PCDH15: variants seen among roughly 807,000 people sequenced by gnomAD.
The protein encoded by PCDH15 is protocadherin-15.
PCDH15 carries 129 observed loss-of-function variants against 178.5 expected under a neutral mutation model. The ratio of observed to expected loss-of-function variants is 0.72; its 90% CI spans 0.63 to 0.84. The LOEUF is 0.84. Ranked by LOEUF, PCDH15 falls within the 40% of genes least tolerant of loss-of-function variation. The pLI is 0.00. For synonymous variants in PCDH15, 800 were observed against 732.0 expected (o/e 1.09, Z -1.50); for missense variants, 2,230 against 2,099.9 (o/e 1.06, Z -1.21).
intron 21 of PCDH15, among the ~76,000 whole-genome samples, chr10:53,992,714 G>C (rs1181872499): frequency 2.6e-5 from 4 of 152,034 alleles, no homozygotes; most frequent in Non-Finnish European, 5.9e-5. Context: ...GAAATAAACG[G>C]TTAGCCATTT....
intron 18 of PCDH15, among the ~76,000 whole-genome samples, chr10:54,032,973 T>C (rs77893390): frequency 6.6e-6 from 1 of 151,712 alleles, no homozygotes; most frequent in Non-Finnish European, 1.5e-5. Context: ...CTCACTGTCA[T>C]AAGAAGAGCA....
chr10:54,385,533 T>C (rs1217097884), intron 3 of PCDH15, among the ~76,000 whole-genome samples: 4 of 152,148 alleles, frequency 2.6e-5, no homozygotes, highest in Non-Finnish European at 1.5e-5. Flanking sequence ...TGGCAGTGCC[T>C]ATCGTAGAAA....
chr10:54,167,372 A>T (rs2046339540), intron 13 of PCDH15, among the ~76,000 whole-genome samples: 2 of 151,776 alleles, frequency 1.3e-5, no homozygotes, highest in African/African-American at 4.8e-5. Context: ...TCTTAATTTC[A>T]ATTCCTTTCA....
At chr10:54,164,623 T>C (rs2046031110) in intron 13 of PCDH15, among the ~76,000 whole-genome samples, 1 of 152,206 alleles carries the variant, frequency 6.6e-6, no homozygotes, top group Non-Finnish European at 1.5e-5. Flanking sequence ...GTTAATTTGC[T>C]TTGTAGAGGG....
chr10:54,304,694 C>A (rs1591693617), intron 8 of PCDH15, among the ~76,000 whole-genome samples: 1 of 151,926 alleles, frequency 6.6e-6, no homozygotes, highest in African/African-American at 2.4e-5. Context: ...TAAAAGATTA[C>A]CCTGATTGGC....
chr10:53,818,547 ATAT>A (rs2076146062), intron 33 of PCDH15, among the ~76,000 whole-genome samples: 1 of 152,104 alleles, frequency 6.6e-6, no homozygotes, highest in Non-Finnish European at 1.5e-5. Context: ...GTCAATTATA[ATAT>A]TAGAAATTAA....
At chr10:55,546,636 T>C (rs1315236543) in intron 2 of PCDH15, among the ~76,000 whole-genome samples, 2 of 152,146 alleles carry the variant, frequency 1.3e-5, no homozygotes, top group Admixed American at 6.5e-5. Context: ...AGCTTCCCTT[T>C]AGGTTAGGAT....
At chr10:54,704,885 T>C (rs1206231366) in intron 1 of PCDH15, among the ~76,000 whole-genome samples, 13 of 152,128 alleles carry the variant, frequency 8.5e-5, no homozygotes, top group African/African-American at 2.9e-4. Flanking sequence ...AGTATGTTCA[T>C]TGTAGCACTA....
intron 2 of PCDH15, among the ~76,000 whole-genome samples, chr10:54,911,853 T>C (rs192301131): frequency 1.3e-5 from 2 of 152,322 alleles, no homozygotes; most frequent in African/African-American, 4.8e-5. Flanking sequence ...ATAAGTTTCC[T>C]GAGGCCTCCC....
In PCDH15 at chr10:55,088,841, AG is replaced by A. The variant is rs528994685; in HGVS notation, c.-80+77734del. On this transcript the variant is annotated intron_variant, in intron 2 of 5. Transcript: ENST00000458638. ...ATGATTTATATTTCTAGTTTTCCAA[AG>A]AGAATCACTTTCCATTTAGAAGTTA... Among the ~76,000 whole-genome samples, 32 of 152,252 alleles carry A rather than the reference AG, an allele frequency of 2.1e-4. No homozygotes were observed. The South Asian group carries it at 5.8e-3, about 28-fold the overall frequency.
chr10:55,437,402 GA>G (rs1839067439), intron 2 of PCDH15, among the ~76,000 whole-genome samples: 1 of 152,156 alleles, frequency 6.6e-6, no homozygotes, highest in Non-Finnish European at 1.5e-5. Flanking sequence ...TTGAGTTCTG[GA>G]GGTTCAGAAG....
intron 28 of PCDH15, among the ~76,000 whole-genome samples, chr10:53,842,508 A>G (rs1163543386): frequency 6.6e-6 from 1 of 152,124 alleles, no homozygotes; most frequent in African/African-American, 2.4e-5. Flanking sequence ...CGGCCTTTCA[A>G]AGTGCTGGGA....
chr10:55,195,653 T>TAAAAA (rs5785123), intron 1 of PCDH15, among the ~76,000 whole-genome samples: 1 of 118,140 alleles, frequency 8.5e-6, no homozygotes, highest in Non-Finnish European at 1.7e-5. Flanking sequence ...AAACTCCATC[T>TAAAAA]AAAAAAAAAA....
At chr10:55,279,524 G>A (rs541029238) in intron 1 of PCDH15, among the ~76,000 whole-genome samples, 2 of 152,090 alleles carry the variant, frequency 1.3e-5, no homozygotes, top group South Asian at 2.1e-4. Flanking sequence ...ACCTACACAG[G>A]GTCCACACTT....
intron 2 of PCDH15, among the ~76,000 whole-genome samples, chr10:55,061,747 G>A (rs1841438924): frequency 6.6e-6 from 1 of 152,190 alleles, no homozygotes. Context: ...CTGGCCAGAT[G>A]CGGTGGCTTA....
At chr10:54,895,907 G>A (rs1487091626) in intron 3 of PCDH15, among the ~76,000 whole-genome samples, 1 of 151,150 alleles carries the variant, frequency 6.6e-6, no homozygotes, top group African/African-American at 2.4e-5. Flanking sequence ...TTTTTTTTGA[G>A]ATGGAGTCTC....
At chr10:55,011,447 T>C (rs555347247) in intron 2 of PCDH15, among the ~76,000 whole-genome samples, 12 of 152,190 alleles carry the variant, frequency 7.9e-5, no homozygotes, top group African/African-American at 2.6e-4. Flanking sequence ...TGCTATGGAG[T>C]CTTTTCTTAA....
At chr10:54,118,562 A>G (rs1360815144) in intron 15 of PCDH15, among the ~76,000 whole-genome samples, 1 of 152,120 alleles carries the variant, frequency 6.6e-6, no homozygotes, top group Non-Finnish European at 1.5e-5. Context: ...TGGGAGGCTG[A>G]GTCAGGAGAA....
intron 21 of PCDH15, among the ~76,000 whole-genome samples, chr10:53,978,042 T>C (rs2090335377): frequency 1.3e-5 from 2 of 152,156 alleles, no homozygotes; most frequent in Non-Finnish European, 2.9e-5. Context: ...TGAATGCCTG[T>C]AGCTTTTCCA....
Sources: allele counts gnomAD v4.1 joint callset (sites outside exome capture counted in the v4.1 genomes callset), GRCh38; gene constraint gnomAD v4.1.1; transcripts MANE v1.5; gene names NCBI Gene and HGNC (gene_info 2026-07-23, HGNC 2026-07-21).